The following CLIP1 variants were observed in gnomAD, a reference collection of about 807,000 sequenced individuals.
The protein encoded by CLIP1 is CAP-Gly domain containing linker protein 1.
Under a neutral mutation model 161.6 loss-of-function variants are expected in CLIP1, and 66 were observed. The observed-to-expected ratio is 0.41, with a 90% CI of 0.33 to 0.50. CLIP1 has a LOEUF of 0.50. Ranked by LOEUF, CLIP1 falls within the 20% of genes least tolerant of loss-of-function variation. The pLI, the probability that CLIP1 is intolerant of heterozygous loss-of-function variation, is 0.27. For synonymous variants in CLIP1, 598 were observed against 626.2 expected (o/e 0.96, Z 0.67); for missense variants, 1,376 against 1,702.0 (o/e 0.81, Z 3.37).
intron 4 of CLIP1, among the ~76,000 whole-genome samples, chr12:122,362,695 G>T (rs1454322016): frequency 5.6e-5 from 4 of 72,024 alleles, no homozygotes; most frequent in Non-Finnish European, 7.8e-5. Flanking sequence ...TTTAATATCT[G>T]TTTCAATAAA....
At chr12:122,357,688 G>T (rs1337067159) in intron 5 of CLIP1, among the ~76,000 whole-genome samples, 2 of 147,696 alleles carry the variant, frequency 1.4e-5, no homozygotes, top group East Asian at 4.2e-4. Context: ...GAGGGAGATG[G>T]GGGGGTCAGT....
chr12:122,354,912 G>C (rs543451804), intron 6 of CLIP1: 4 of 604,856 alleles, frequency 6.6e-6, no homozygotes, highest in African/African-American at 1.9e-5. Flanking sequence ...CACTAAGGTC[G>C]AATCAAGAAC....
chr12:122,367,474 GT>G lies in CLIP1; in HGVS notation c.658-3368del, dbSNP rs1178324416. ...AGGTGAAGTCCTAAAATCATCAAAT[GT>G]TTTTCTACTTAATCATTCTACAATC... On this transcript the variant is annotated intron_variant, in intron 3 of 25. Transcript: ENST00000620786. 5.9e-5 allele frequency among the ~76,000 whole-genome samples: 9 copies of G among 152,244 alleles called. No homozygotes were observed. The South Asian group carries it at 1.7e-3, about 28-fold the overall frequency.
At chr12:122,397,949 C>T (rs1317387336) in intron 1 of CLIP1, among the ~76,000 whole-genome samples, 3 of 138,764 alleles carry the variant, frequency 2.2e-5, no homozygotes, top group Non-Finnish European at 3.1e-5. Context: ...AGTGAGACGC[C>T]GTCTCAAAAA....
chr12:122,397,016 C>T (rs11057934), intron 1 of CLIP1, among the ~76,000 whole-genome samples: 19,008 of 137,500 alleles, frequency 0.14, 1,590 homozygotes, highest in East Asian at 0.47. Context: ...TGGGTGCAAG[C>T]GATCCACCAA....
chr12:122,307,031 A>G (rs185693550), intron 20 of CLIP1, among the ~76,000 whole-genome samples: 2,281 of 95,592 alleles, frequency 0.024, 76 homozygotes, highest in African/African-American at 0.09. Flanking sequence ...TTTTTTTGAG[A>G]CAGAGTCTCA....
At chr12:122,353,764 G>A (rs1445143810) in intron 7 of CLIP1, among the ~76,000 whole-genome samples, 1 of 151,880 alleles carries the variant, frequency 6.6e-6, no homozygotes, top group African/African-American at 2.4e-5. Context: ...CCAAGTAGCT[G>A]GGATTACAGG....
intron 12 of CLIP1, among the ~76,000 whole-genome samples, chr12:122,336,404 G>A (rs1206268810): frequency 1.9e-5 from 2 of 106,652 alleles, no homozygotes; most frequent in African/African-American, 3.8e-5. Flanking sequence ...CAAAGGCGAA[G>A]GGATAGATTA....
intron 18 of CLIP1, 52 bp from the exon 19 acceptor site, chr12:122,316,907 C>G (rs746115624): frequency 1.9e-6 from 2 of 1,035,992 alleles, no homozygotes; most frequent in Non-Finnish European, 2.8e-6. Context: ...TTTCCAGTGA[C>G]ATGAATGAAC....
chr12:122,370,019 C>T (rs1020466961), intron 3 of CLIP1, among the ~76,000 whole-genome samples: 2 of 151,856 alleles, frequency 1.3e-5, no homozygotes, highest in Non-Finnish European at 2.9e-5. Context: ...AAAAATTAGC[C>T]AGCTGTGGTG....
chr12:122,273,957 C>T (rs1955285837), intron 25 of CLIP1, 81 bp downstream of exon 25: 1 of 1,275,436 alleles, frequency 7.8e-7, no homozygotes, highest in Non-Finnish European at 1.1e-6. Context: ...GTCTCGAACT[C>T]CTGACCCTCA....
chr12:122,422,053 G>C (rs1362410143), intron 1 of CLIP1, among the ~76,000 whole-genome samples: 1 of 152,160 alleles, frequency 6.6e-6, no homozygotes, highest in Non-Finnish European at 1.5e-5. Context: ...GCGGGCGCCG[G>C]GCACCCGGGG....
intron 20 of CLIP1, among the ~76,000 whole-genome samples, chr12:122,292,261 C>A (rs1043372446): frequency 6.6e-6 from 1 of 151,980 alleles, no homozygotes; most frequent in African/African-American, 2.4e-5. Context: ...TCTTGGCCTC[C>A]CAAAGTACTG....
intron 20 of CLIP1, among the ~76,000 whole-genome samples, chr12:122,306,479 G>A (rs766438047): frequency 5.9e-5 from 9 of 152,096 alleles, no homozygotes; most frequent in Non-Finnish European, 1.2e-4. Context: ...CCTACACGTC[G>A]TGCTCTATGA....
Position 122,358,300 on chromosome 12 carries a change from G to T in CLIP1, c.1005+2659C>A, listed in dbSNP as rs1235014474. Among the ~76,000 whole-genome samples, 3 of 151,764 alleles carry T rather than the reference G, an allele frequency of 2.0e-5. No homozygotes were observed. In the East Asian group the frequency reaches 5.8e-4, roughly 29 times the overall value. ...TCAAGTACCCAGGGACACAAACACTGCGGAAGGCCGCAGGGTCCTCTGCCT... is the reference window on the plus strand; with the variant it reads ...TCAAGTACCCAGGGACACAAACACTTCGGAAGGCCGCAGGGTCCTCTGCCT... On this transcript the variant is annotated intron_variant, in intron 5 of 25. Coordinates refer to ENST00000620786, the MANE Select transcript of CLIP1 (RefSeq NM_001247997.2).
chr12:122,355,331 G>A lies in CLIP1; in HGVS notation c.1006-19C>T. ...CAGTCAACTGTAAAGGAAAGTTAGA[G>A]AAATGAAGGGCGATGATGCTGTCAG... On this transcript the variant is annotated intron_variant, in intron 5 of 25. Coordinates refer to ENST00000620786, the MANE Select transcript of CLIP1 (RefSeq NM_001247997.2). The surrounding 1 kb of genome is among the most constrained non-coding windows in gnomAD (Gnocchi z 4.1). 6.2e-7 allele frequency: 1 copy of A among 1,606,416 alleles called. No homozygotes were observed. The highest frequency in any genetic ancestry group is 8.5e-7 in the Non-Finnish European group (1 of 1,173,998).
At chr12:122,348,283 A>G (rs956693567) in intron 9 of CLIP1, among the ~76,000 whole-genome samples, 2 of 152,254 alleles carry the variant, frequency 1.3e-5, no homozygotes, top group Admixed American at 6.5e-5. Context: ...AAATTTAGTA[A>G]TAATTATCCT....
chr12:122,334,066 G>C lies in CLIP1; in HGVS notation c.2671C>G (p.Leu891Val), dbSNP rs1340409517. 7 of 1,613,148 alleles carry C rather than the reference G, an allele frequency of 4.3e-6. No individual in the cohort carries two copies. Among genetic ancestry groups the C allele is most frequent in the Non-Finnish European group, 5.9e-6 (7 of 1,179,114 alleles). ...LHQKEEQFNM[L>V]SSDLEKLREN... Reference sequence around the variant, plus strand: ...CTCAGCTTCTCCAAGTCAGAAGACAGCATGTTAAACTGTTCCTCCTTTTGG... The same window carrying C: ...CTCAGCTTCTCCAAGTCAGAAGACACCATGTTAAACTGTTCCTCCTTTTGG... Residue 891 changes from leucine to valine, a missense_variant, in exon 14 of 26, where the codon CTG (leucine) becomes GTG (valine). Leu to Val is a conservative substitution (Grantham distance 32, BLOSUM62 1). Transcript: ENST00000620786.
At chr12:122,317,546 A>C (rs1387960605) in intron 18 of CLIP1, among the ~76,000 whole-genome samples, 1 of 152,202 alleles carries the variant, frequency 6.6e-6, no homozygotes, top group Non-Finnish European at 1.5e-5. Flanking sequence ...GACTGATCAT[A>C]GGCTGTGGCA....
Sources: gnomAD v4.1 joint callset for allele counts (sites outside exome capture counted in the v4.1 genomes callset) on GRCh38, gnomAD v4.1.1 for gene constraint, Gnocchi (gnomAD v3.1) non-coding constraint, MANE v1.5 for transcripts, NCBI Gene and HGNC (gene_info 2026-07-23, HGNC 2026-07-21) for gene names.